Variants in PSMD4 observed in about 807,000 individuals in gnomAD.
The protein encoded by PSMD4 is 26S proteasome non-ATPase regulatory subunit 4.
A neutral mutation model predicts 39.7 loss-of-function variants in PSMD4; 5 were observed. The observed-to-expected ratio is 0.13, with a 90% CI of 0.07 to 0.26. PSMD4 has a LOEUF of 0.26. PSMD4 is among the 10% of genes least tolerant of loss of function. PSMD4 has a pLI of 1.00. For synonymous variants in PSMD4, 143 were observed against 174.6 expected, an observed-to-expected ratio of 0.82 and a Z score of 1.43; for missense variants, 272 against 486.1, an observed-to-expected ratio of 0.56 and a Z score of 4.14.
At chr1:151,262,124 A>G (rs1336538812) in intron 1 of PSMD4, 37 bp from the exon 2 acceptor site, 1 of 1,611,772 alleles carries the variant, frequency 6.2e-7, no homozygotes, top group South Asian at 1.1e-5. Flanking sequence ...AAACTTCTAC[A>G]TTTCTTCTCT....
At chr1:151,258,536 C>G (rs1362982417) in intron 1 of PSMD4, among the ~76,000 whole-genome samples, 1 of 142,430 alleles carries the variant, frequency 7.0e-6, no homozygotes, top group Non-Finnish European at 1.5e-5. Flanking sequence ...TCTTGGCTCA[C>G]TGCAGCCTCG....
chr1:151,264,601 A>G (rs1401595624), intron 3 of PSMD4, among the ~76,000 whole-genome samples: 1 of 150,386 alleles, frequency 6.6e-6, no homozygotes, highest in Non-Finnish European at 1.5e-5. Context: ...ACAGAGCGAG[A>G]CTCCATCTCA....
intron 2 of PSMD4, among the ~76,000 whole-genome samples, chr1:151,263,456 CTG>C (rs1693355909): frequency 6.6e-6 from 1 of 151,478 alleles, no homozygotes; most frequent in African/African-American, 2.4e-5. Context: ...GAGCGAGACT[CTG>C]TCTCAAAAAA....
At chr1:151,262,360 T>C (rs1693337195) in intron 2 of PSMD4, 59 bp downstream of exon 2, 1 of 1,597,914 alleles carries the variant, frequency 6.3e-7, no homozygotes, top group Non-Finnish European at 8.6e-7. Context: ...ATGCTACTCT[T>C]CTTTAGATTC....
chr1:151,265,321 A>G (rs1693406507), intron 5 of PSMD4, 73 bp from the exon 6 acceptor site: 1 of 1,594,308 alleles, frequency 6.3e-7, no homozygotes, highest in Non-Finnish European at 8.6e-7. Flanking sequence ...GTACTGTGGC[A>G]GAGTAGTGCA....
chr1:151,266,695 G>C lies in PSMD4; in HGVS notation c.963+108G>C, dbSNP rs587701704. On this transcript the variant is annotated intron_variant, in intron 9 of 9. Coordinates refer to ENST00000368884, the MANE Select transcript of PSMD4 (RefSeq NM_002810.4). ...ATAGCTAAGTCCTTTGAGGAGCAGA[G>C]GGAAACACATGGATTTGCATTTCTT... 8.5e-6 allele frequency: 11 copies of C among 1,299,638 alleles called. No individual in the cohort carries two copies. The Admixed American group carries it at 2.2e-4, about 26-fold the overall frequency. The allele number at this position is 1,299,638 out of a possible 1,614,324, so 80.5% of individuals were successfully genotyped here. A position where few individuals can be genotyped will look rare whatever the true frequency, so the allele number is the denominator to read the frequency against.
At chr1:151,262,038 AAG>A in intron 1 of PSMD4, 121 bp from the exon 2 acceptor site, 3 of 1,032,376 alleles carry the variant, frequency 2.9e-6, no homozygotes, top group Non-Finnish European at 4.3e-6. Context: ...ATATTTAAAA[AAG>A]AAAAAAAGCT....
chr1:151,261,279 G>A (rs1422332084), intron 1 of PSMD4, among the ~76,000 whole-genome samples: 3 of 149,956 alleles, frequency 2.0e-5, no homozygotes, highest in African/African-American at 7.4e-5. Flanking sequence ...GGGTTCAGGC[G>A]ATTCTTCTGC....
At chr1:151,264,738 C>A in intron 3 of PSMD4, 94 bp from the exon 4 acceptor site, 9 of 1,006,038 alleles carry the variant, frequency 8.9e-6, no homozygotes, top group Non-Finnish European at 1.2e-5. Context: ...ACTTCAGGTA[C>A]AAAGAAACTG....
intron 4 of PSMD4, 39 bp downstream of exon 4, chr1:151,264,957 T>C (rs762509469): frequency 1.9e-6 from 3 of 1,551,312 alleles, no homozygotes; most frequent in African/African-American, 1.4e-5. Context: ...GGGGAGCCCA[T>C]GTTTGGGACT....
At position 151,265,066 on chromosome 1, in the gene PSMD4, T is replaced by A. The variant is rs1008258120; in HGVS notation, c.370-100T>A. On this transcript the variant is annotated intron_variant, in intron 4 of 9. Coordinates refer to ENST00000368884, the MANE Select transcript of PSMD4 (RefSeq NM_002810.4). The stretch of plus-strand genomic sequence containing the variant: ...AATTCAGTGATTCTGTTGGAGGACC[T>A]TGGGGAGGTCAATAGATTTCTGTAT... 6 of 1,312,226 alleles carry A rather than the reference T, an allele frequency of 4.6e-6. No individual in the cohort carries two copies. The African/African-American group carries it at 8.8e-5, about 19-fold the overall frequency. 81.3% of individuals were successfully genotyped at this position (1,312,226 alleles called of 1,614,324 possible).
chr1:151,264,718 T>G (rs1693389681), intron 3 of PSMD4, 114 bp from the exon 4 acceptor site: 2 of 770,672 alleles, frequency 2.6e-6, no homozygotes, highest in Non-Finnish European at 4.5e-6. Flanking sequence ...AACGTGATGG[T>G]AGATGGTGTA....
intron 9 of PSMD4, chr1:151,266,792 T>C (rs1425391926): frequency 1.3e-6 from 1 of 795,252 alleles, no homozygotes; most frequent in Non-Finnish European, 2.1e-6. Flanking sequence ...TCTGTAATTT[T>C]CCTTTCTTGC....
intron 7 of PSMD4, 87 bp downstream of exon 7, chr1:151,266,199 G>T: frequency 6.3e-7 from 1 of 1,592,328 alleles, no homozygotes; most frequent in Non-Finnish European, 8.6e-7. Flanking sequence ...GAGTGTGGAG[G>T]TCTGACAGGG....
intron 6 of PSMD4, 144 bp downstream of exon 6, chr1:151,265,753 C>A: frequency 1.0e-6 from 1 of 964,708 alleles, no homozygotes; most frequent in African/African-American, 1.6e-5. Context: ...GCCGCCTCTT[C>A]CCTATAATGC....
intron 1 of PSMD4, among the ~76,000 whole-genome samples, chr1:151,259,804 C>T (rs1457001802): frequency 6.6e-6 from 1 of 152,104 alleles, no homozygotes; most frequent in Non-Finnish European, 1.5e-5. Context: ...TGTTCTCCAA[C>T]TCCTGGGCTC....
intron 1 of PSMD4, among the ~76,000 whole-genome samples, chr1:151,259,861 G>A (rs1224141631): frequency 2.0e-5 from 3 of 151,930 alleles, no homozygotes; most frequent in Admixed American, 1.3e-4. Context: ...GATTACAGAC[G>A]TGAGCCACCA....
chr1:151,265,322 G>C (rs1206734242), intron 5 of PSMD4, 72 bp from the exon 6 acceptor site: 9 of 1,595,042 alleles, frequency 5.6e-6, no homozygotes, highest in Non-Finnish European at 7.7e-6. Flanking sequence ...TACTGTGGCA[G>C]AGTAGTGCAG....
At chr1:151,262,872 C>T (rs1468424293) in intron 2 of PSMD4, 2 of 155,342 alleles carry the variant, frequency 1.3e-5, no homozygotes, top group Non-Finnish European at 2.8e-5. Flanking sequence ...ATCAGAGCCC[C>T]TGGGCATATA....
Sources: allele counts gnomAD v4.1 joint callset (sites outside exome capture counted in the v4.1 genomes callset), GRCh38; gene constraint gnomAD v4.1.1; transcripts MANE v1.5; gene names NCBI Gene and HGNC (gene_info 2026-07-23, HGNC 2026-07-21).